The following SLC39A11 variants were observed in gnomAD, a reference collection of about 807,000 sequenced individuals.
SLC39A11 encodes the protein zinc transporter ZIP11.
In SLC39A11, 33 loss-of-function variants were observed where a neutral mutation model predicts 36.1. That is an observed-to-expected ratio of 0.91 (90% CI 0.69 to 1.22). The LOEUF (loss-of-function observed/expected upper bound fraction) is 1.22. Among genes scored for constraint, SLC39A11 ranks in the 50% most tolerant of loss-of-function variants. The probability of loss-of-function intolerance (pLI) is 0.00; values close to 1 mark genes in which losing one functional copy is unlikely to be tolerated. For synonymous variants in SLC39A11, 166 were observed against 170.3 expected (o/e 0.97, Z 0.20); for missense variants, 432 against 430.3 (o/e 1.00, Z -0.03).
At chr17:72,855,155 A>G (rs971229599) in intron 5 of SLC39A11, among the ~76,000 whole-genome samples, 1 of 152,238 alleles carries the variant, frequency 6.6e-6, no homozygotes, top group African/African-American at 2.4e-5. Context: ...AAAAATACAC[A>G]GACCATTTTG....
At chr17:72,709,005 G>A (rs887604160) in intron 7 of SLC39A11, among the ~76,000 whole-genome samples, 1 of 150,708 alleles carries the variant, frequency 6.6e-6, no homozygotes, top group Non-Finnish European at 1.5e-5. Flanking sequence ...ACGCGATCTC[G>A]GCTCACTACA....
At chr17:72,996,772 G>A (rs2089537499) in intron 4 of SLC39A11, among the ~76,000 whole-genome samples, 1 of 152,130 alleles carries the variant, frequency 6.6e-6, no homozygotes, top group South Asian at 2.1e-4. Flanking sequence ...CATATATTTT[G>A]GGAGACACTA....
chr17:73,081,693 ATATG>A (rs1281287052), intron 3 of SLC39A11, among the ~76,000 whole-genome samples: 6 of 148,068 alleles, frequency 4.1e-5, no homozygotes, highest in Admixed American at 2.7e-4. Context: ...ATATATGTAT[ATATG>A]TATGTATATA....
intron 6 of SLC39A11, among the ~76,000 whole-genome samples, chr17:72,803,089 G>C (rs556028344): frequency 3.3e-5 from 5 of 152,234 alleles, no homozygotes; most frequent in Non-Finnish European, 7.3e-5. Context: ...ACAAAGACGG[G>C]ATTTGGTTTC....
chr17:72,736,513 G>C (rs2074436227), intron 7 of SLC39A11, 137 bp downstream of exon 7: 1 of 708,386 alleles, frequency 1.4e-6, no homozygotes, highest in Admixed American at 2.2e-5. Context: ...CGGACCCCAT[G>C]TGGCCTCCAT....
intron 3 of SLC39A11, among the ~76,000 whole-genome samples, chr17:73,049,588 C>T (rs1378532008): frequency 6.6e-6 from 1 of 152,128 alleles, no homozygotes; most frequent in Non-Finnish European, 1.5e-5. Flanking sequence ...AGGAAAACTT[C>T]GGGGTAGGGG....
chr17:72,717,330 G>T (rs2073450176), intron 7 of SLC39A11, among the ~76,000 whole-genome samples: 1 of 152,140 alleles, frequency 6.6e-6, no homozygotes, highest in Admixed American at 6.5e-5. Context: ...CTTAACAGCT[G>T]CTGTGATGAA....
rs148491573 is a variant in SLC39A11 at position 72,984,252 on chromosome 17, C to A, written c.307-36377G>T. 2.0e-5 allele frequency among the ~76,000 whole-genome samples: 3 copies of A among 152,132 alleles called. No individual in the cohort carries two copies. The East Asian group carries it at 5.8e-4, about 29-fold the overall frequency. ...GCTTGTAGCATTGCATTGCACAGAG[C>A]ATGGGCAGAACAAACTCAGCCACCC... On this transcript the variant is annotated intron_variant, in intron 4 of 9. Transcript: ENST00000255559.
chr17:73,075,967 A>C (rs2060305872), intron 3 of SLC39A11, among the ~76,000 whole-genome samples: 1 of 152,240 alleles, frequency 6.6e-6, no homozygotes, highest in African/African-American at 2.4e-5. Flanking sequence ...TCATTCTTAT[A>C]AAATTAAATT....
chr17:72,882,582 T>C (rs1431288357), intron 5 of SLC39A11, among the ~76,000 whole-genome samples: 1 of 152,152 alleles, frequency 6.6e-6, no homozygotes, highest in Non-Finnish European at 1.5e-5. Context: ...GTTGCAGCCC[T>C]ACACAGATTG....
chr17:72,718,389 A>G (rs544444137), intron 7 of SLC39A11, among the ~76,000 whole-genome samples: 1 of 152,316 alleles, frequency 6.6e-6, no homozygotes, highest in East Asian at 1.9e-4. Flanking sequence ...CAGTGAGCTG[A>G]GATCAGGCCA....
chr17:72,901,946 G>A (rs1253686669), intron 5 of SLC39A11, among the ~76,000 whole-genome samples: 1 of 152,164 alleles, frequency 6.6e-6, no homozygotes, highest in Non-Finnish European at 1.5e-5. Flanking sequence ...TTGGATTGGG[G>A]TGGGCCTCAA....
chr17:73,017,584 G>C (rs527956222), intron 4 of SLC39A11, among the ~76,000 whole-genome samples: 7 of 152,162 alleles, frequency 4.6e-5, no homozygotes, highest in Admixed American at 4.6e-4. Flanking sequence ...GTGGTGGCAC[G>C]TGCCTGTAAT....
intron 6 of SLC39A11, among the ~76,000 whole-genome samples, chr17:72,751,775 TTA>T (rs2075165293): frequency 6.6e-6 from 1 of 152,124 alleles, no homozygotes; most frequent in South Asian, 2.1e-4. Context: ...CAGGGTTTTG[TTA>T]TGTCAGCCAG....
chr17:72,843,392 A>G (rs1432100806), intron 6 of SLC39A11, among the ~76,000 whole-genome samples: 5 of 152,166 alleles, frequency 3.3e-5, no homozygotes, highest in African/African-American at 1.2e-4. Context: ...CCTAATCCCC[A>G]ATGGTATTGT....
intron 5 of SLC39A11, among the ~76,000 whole-genome samples, chr17:72,857,754 T>C (rs2079726861): frequency 6.6e-6 from 1 of 152,234 alleles, no homozygotes; most frequent in Non-Finnish European, 1.5e-5. Context: ...GAGATTTTTT[T>C]CATATGCTTG....
At chr17:72,700,559 A>G (rs550966520) in intron 7 of SLC39A11, among the ~76,000 whole-genome samples, 21 of 152,352 alleles carry the variant, frequency 1.4e-4, no homozygotes, top group African/African-American at 4.8e-4. Flanking sequence ...CAGGGTCCCC[A>G]GGCCTTAATG....
intron 4 of SLC39A11, among the ~76,000 whole-genome samples, chr17:72,982,086 T>A (rs1029381340): frequency 6.6e-6 from 1 of 151,956 alleles, no homozygotes; most frequent in African/African-American, 2.4e-5. Context: ...CTAAAATTTT[T>A]TTTTTTTTTT....
chr17:72,982,682 G>A (rs1200762363), intron 4 of SLC39A11, among the ~76,000 whole-genome samples: 4 of 141,174 alleles, frequency 2.8e-5, no homozygotes, highest in East Asian at 2.0e-4. Flanking sequence ...TTTCTAATTC[G>A]TTGCCAAGTC....
Sources: allele counts gnomAD v4.1 joint callset (sites outside exome capture counted in the v4.1 genomes callset), GRCh38; gene constraint gnomAD v4.1.1; transcripts MANE v1.5; gene names NCBI Gene and HGNC (gene_info 2026-07-23, HGNC 2026-07-21).